PSD3: variants seen among roughly 807,000 people sequenced by gnomAD.
The protein encoded by PSD3 is pleckstrin and Sec7 domain containing 3, also known as PH and SEC7 domain-containing protein 3.
In PSD3, 49 loss-of-function variants were observed where a neutral mutation model predicts 105.5. The ratio of observed to expected loss-of-function variants is 0.46; its 90% CI spans 0.37 to 0.59. The LOEUF is 0.59. Among genes scored for constraint, PSD3 ranks in the 20% least tolerant of loss-of-function variants. The pLI, the probability that PSD3 is intolerant of heterozygous loss-of-function variation, is 0.00. For synonymous variants in PSD3, 557 were observed against 457.8 expected, an observed-to-expected ratio of 1.22 and a Z score of -2.77; for missense variants, 1,561 against 1,263.8, an observed-to-expected ratio of 1.24 and a Z score of -3.57.
intron 1 of PSD3, among the ~76,000 whole-genome samples, chr8:19,011,057 A>T (rs1490623088): frequency 6.6e-6 from 1 of 151,890 alleles, no homozygotes; most frequent in Non-Finnish European, 1.5e-5. Context: ...CCCAACTTCA[A>T]TCATGTCTGA....
At chr8:18,590,433 G>C (rs9644564) in intron 12 of PSD3, among the ~76,000 whole-genome samples, 5 of 152,094 alleles carry the variant, frequency 3.3e-5, no homozygotes, top group Admixed American at 3.3e-4. Context: ...CCAAAAACAA[G>C]AAGTTCAAAA....
intron 8 of PSD3, among the ~76,000 whole-genome samples, chr8:18,797,440 G>T (rs1810288679): frequency 1.3e-5 from 2 of 152,108 alleles, no homozygotes; most frequent in South Asian, 4.1e-4. Flanking sequence ...CCAAGAAGAA[G>T]CAGGATGCTT....
chr8:19,033,268 A>T (rs1466436563), intron 1 of PSD3, among the ~76,000 whole-genome samples: 1 of 152,192 alleles, frequency 6.6e-6, no homozygotes, highest in East Asian at 1.9e-4. Context: ...TTTCTACTTT[A>T]ATTTTTTTCA....
chr8:19,028,575 T>A (rs761174218), intron 1 of PSD3, among the ~76,000 whole-genome samples: 3 of 152,170 alleles, frequency 2.0e-5, no homozygotes, highest in African/African-American at 2.4e-5. Context: ...GAATTCTTTA[T>A]ACATCCTGGA....
intron 11 of PSD3, among the ~76,000 whole-genome samples, chr8:18,631,903 T>A (rs1331520811): frequency 6.6e-6 from 1 of 152,016 alleles, no homozygotes; most frequent in African/African-American, 2.4e-5. Flanking sequence ...TGAGCAAACA[T>A]GTCACCTTAT....
In PSD3 at chr8:18,668,714, CAT is replaced by C. The variant is rs1477100916; in HGVS notation, c.2173-13031_2173-13030del. On this transcript the variant is annotated intron_variant, in intron 9 of 15. Transcript: ENST00000327040. ...TACTGTTCACATACACACCTGTGTA[CAT>C]ATATACATACTTTAAAGTCAGTATT... Among the ~76,000 whole-genome samples, 7 of 152,246 alleles carry C rather than the reference CAT, an allele frequency of 4.6e-5. No homozygotes were observed. The East Asian group carries it at 1.4e-3, about 29-fold the overall frequency.
At chr8:18,795,510 T>C (rs13261634) in intron 8 of PSD3, among the ~76,000 whole-genome samples, 109,752 of 152,210 alleles carry the variant, frequency 0.72, 40,858 homozygotes, top group Non-Finnish European at 0.81. Context: ...CCCTGGCTAC[T>C]GCCTCTTACC....
intron 9 of PSD3, among the ~76,000 whole-genome samples, chr8:18,760,617 C>T (rs1347452126): frequency 6.6e-6 from 1 of 152,242 alleles, no homozygotes; most frequent in Non-Finnish European, 1.5e-5. Flanking sequence ...ATATCTACCA[C>T]ATTTTATCCA....
At chr8:18,640,188 G>A (rs1585469482) in intron 10 of PSD3, among the ~76,000 whole-genome samples, 1 of 152,112 alleles carries the variant, frequency 6.6e-6, no homozygotes, top group South Asian at 2.1e-4. Flanking sequence ...AAAAGATCAG[G>A]ATATTCCATG....
chr8:18,553,378 C>T (rs1383054652), intron 15 of PSD3, among the ~76,000 whole-genome samples: 2 of 121,660 alleles, frequency 1.6e-5, no homozygotes, highest in African/African-American at 5.5e-5. Flanking sequence ...TGGGTGAGAA[C>T]AGTCACCAGG....
chr8:18,581,654 A>G (rs1802826313), intron 12 of PSD3, among the ~76,000 whole-genome samples: 1 of 152,140 alleles, frequency 6.6e-6, no homozygotes, highest in Non-Finnish European at 1.5e-5. Flanking sequence ...CTTCACCTAT[A>G]CACTTGGTTT....
chr8:19,013,946 G>A (rs1305261011), upstream of PSD3: 2 of 153,202 alleles, frequency 1.3e-5, no homozygotes, highest in African/African-American at 2.4e-5. Context: ...CTCCGGGGGA[G>A]GCTGGAGGCG....
At chr8:18,755,964 C>T (rs750420617) in intron 9 of PSD3, among the ~76,000 whole-genome samples, 3 of 152,086 alleles carry the variant, frequency 2.0e-5, no homozygotes, top group Non-Finnish European at 2.9e-5. Context: ...AAACACGCCA[C>T]GCACCTTTCA....
intron 1 of PSD3, among the ~76,000 whole-genome samples, chr8:19,073,466 G>A (rs1204651258): frequency 7.0e-6 from 1 of 142,780 alleles, no homozygotes; most frequent in South Asian, 2.2e-4. Flanking sequence ...AACAAGAATC[G>A]CTTGAACTCA....
intron 9 of PSD3, among the ~76,000 whole-genome samples, chr8:18,736,184 C>G (rs1464123319): frequency 6.6e-6 from 1 of 152,138 alleles, no homozygotes; most frequent in African/African-American, 2.4e-5. Flanking sequence ...TCCATACTTA[C>G]AAACTCTGGA....
At chr8:18,603,627 C>A (rs1804597222) in intron 11 of PSD3, among the ~76,000 whole-genome samples, 2 of 152,162 alleles carry the variant, frequency 1.3e-5, no homozygotes, top group Non-Finnish European at 2.9e-5. Flanking sequence ...GTGTGCCCAC[C>A]CAAATCTCAT....
At chr8:18,553,915 T>A (rs577906761) in intron 15 of PSD3, among the ~76,000 whole-genome samples, 1 of 152,042 alleles carries the variant, frequency 6.6e-6, no homozygotes, top group African/African-American at 2.4e-5. Context: ...TATTAGCATA[T>A]GGGTCTGATT....
At chr8:19,051,543 T>C (rs991089209) in intron 1 of PSD3, among the ~76,000 whole-genome samples, 29 of 152,342 alleles carry the variant, frequency 1.9e-4, no homozygotes, top group African/African-American at 6.5e-4. Flanking sequence ...TGTGTTTGCA[T>C]GAATTTTCTT....
chr8:19,075,718 T>G (rs1285109763), intron 1 of PSD3, among the ~76,000 whole-genome samples: 2 of 152,240 alleles, frequency 1.3e-5, no homozygotes, highest in Non-Finnish European at 2.9e-5. Context: ...TTGCAGTGAC[T>G]AAAGTATTAA....
Sources: gnomAD v4.1 joint callset for allele counts (sites outside exome capture counted in the v4.1 genomes callset) on GRCh38, gnomAD v4.1.1 for gene constraint, MANE v1.5 for transcripts, NCBI Gene and HGNC (gene_info 2026-07-23, HGNC 2026-07-21) for gene names.